The following IKZF1 variants were observed in gnomAD, a reference collection of about 807,000 sequenced individuals.
The protein encoded by IKZF1 is IKAROS family zinc finger 1, also known as DNA-binding protein Ikaros.
In IKZF1, 10 loss-of-function variants were observed where a neutral mutation model predicts 51.7. That is an observed-to-expected ratio of 0.19 (90% CI 0.12 to 0.33). IKZF1 has a LOEUF of 0.33. IKZF1 is among the 10% of genes least tolerant of loss of function. The pLI is 1.00. For missense variants in IKZF1, 484 were observed against 707.5 expected (o/e 0.68, Z 3.58); for synonymous variants, 280 against 282.3 (o/e 0.99, Z 0.08).
At chr7:50,372,946 G>A (rs1044442250) in intron 3 of IKZF1, among the ~76,000 whole-genome samples, 4 of 152,212 alleles carry the variant, frequency 2.6e-5, no homozygotes, top group Non-Finnish European at 4.4e-5. Context: ...GCCCAGGGTG[G>A]GCCTGAGCCA....
chr7:50,390,268 G>A (rs549365447), intron 6 of IKZF1, among the ~76,000 whole-genome samples: 79 of 152,316 alleles, frequency 5.2e-4, no homozygotes, highest in African/African-American at 1.8e-3. Flanking sequence ...GGAGCCCTGG[G>A]CAGGCTGTGG....
chr7:50,336,443 G>A (rs1034808403), intron 3 of IKZF1, among the ~76,000 whole-genome samples: 3 of 152,156 alleles, frequency 2.0e-5, no homozygotes, highest in South Asian at 2.1e-4. Flanking sequence ...CAGGAGGCCC[G>A]CACTCGCTCT....
rs777940854 is a variant in IKZF1 at position 50,403,800 on chromosome 7, G to T, written c.*3173G>T. ...TAGTTTTGTTATATGGTTCCCCACC[G>T]ACCATTTTTGTGCTTTTTTCTTGTT... On this transcript the variant is annotated 3_prime_UTR_variant, in exon 8 of 8. Coordinates refer to ENST00000331340, the MANE Select transcript of IKZF1 (RefSeq NM_006060.6). 5 of 225,942 alleles carry T rather than the reference G, an allele frequency of 2.2e-5. No individual in the cohort carries two copies. Among genetic ancestry groups the T allele is most frequent in the East Asian group, 1.3e-4 (2 of 15,770 alleles). The allele number at this position is 225,942 out of a possible 1,614,324, so 14.0% of individuals were successfully genotyped here. A position where few individuals can be genotyped will look rare whatever the true frequency, so the allele number is the denominator to read the frequency against.
chr7:50,328,813 C>T (rs1394161582), intron 3 of IKZF1: 4 of 152,180 alleles, frequency 2.6e-5, no homozygotes, highest in Admixed American at 6.5e-5. Context: ...GTGGCTCAAG[C>T]TTGTAATCCC....
upstream of IKZF1, among the ~76,000 whole-genome samples, chr7:50,303,771 G>A (rs1196048058): frequency 6.6e-6 from 1 of 151,760 alleles, no homozygotes; most frequent in Non-Finnish European, 1.5e-5. This position sits in a 1 kb window ranked among gnomAD's most constrained non-coding sequence, Gnocchi z 4.7. Flanking sequence ...CCAGCGGGGC[G>A]AGCGTGAGGG....
chr7:50,314,857 C>T (rs1008625879), intron 1 of IKZF1, among the ~76,000 whole-genome samples: 1 of 152,256 alleles, frequency 6.6e-6, no homozygotes, highest in African/African-American at 2.4e-5. Context: ...CACCTGGAAG[C>T]AGCAACTGCC....
intron 3 of IKZF1, among the ~76,000 whole-genome samples, chr7:50,361,490 T>C (rs1805218697): frequency 6.6e-6 from 1 of 152,226 alleles, no homozygotes; most frequent in Admixed American, 6.5e-5. Flanking sequence ...ACCCGGAAGT[T>C]GGCTGACATG....
At position 50,337,864 on chromosome 7, in the gene IKZF1, A is replaced by C. The variant is rs1185927441; in HGVS notation, c.160+10107A>C. 6.6e-5 allele frequency among the ~76,000 whole-genome samples: 10 copies of C among 152,322 alleles called. No individual in the cohort carries two copies. In the East Asian group the frequency reaches 1.9e-3, roughly 29 times the overall value. Reference sequence around the variant, plus strand: ...TGCAGGATATTTAGCCACCCACATCACAAGTGGTACCATGGTGATTGTGAT... The same window carrying C: ...TGCAGGATATTTAGCCACCCACATCCCAAGTGGTACCATGGTGATTGTGAT... On this transcript the variant is annotated intron_variant, in intron 3 of 7. Coordinates refer to ENST00000331340, the MANE Select transcript of IKZF1 (RefSeq NM_006060.6).
intron 3 of IKZF1, among the ~76,000 whole-genome samples, chr7:50,375,916 C>T (rs75612853): frequency 6.6e-6 from 1 of 152,064 alleles, no homozygotes; most frequent in Non-Finnish European, 1.5e-5. Context: ...TGTACCAAAG[C>T]AACACAAAGA....
At chr7:50,337,923 C>A (rs1798162079) in intron 3 of IKZF1, among the ~76,000 whole-genome samples, 1 of 152,168 alleles carries the variant, frequency 6.6e-6, no homozygotes. Flanking sequence ...CAGGTGAGGA[C>A]CCTGCTGGAA....
chr7:50,319,410 G>A lies in IKZF1; in HGVS notation c.40+309G>A, dbSNP rs188766719. On this transcript the variant is annotated intron_variant, in intron 2 of 7. Transcript: ENST00000331340. Reference sequence around the variant, plus strand: ...TGATTGGTTTAAAACCCAAACACATGCCAATGATGGTACTTAAAGAGAGAG... The same window carrying A: ...TGATTGGTTTAAAACCCAAACACATACCAATGATGGTACTTAAAGAGAGAG... Among the ~76,000 whole-genome samples, 47 of 152,244 alleles carry A rather than the reference G, an allele frequency of 3.1e-4. 1 individual carries two copies. Among genetic ancestry groups the A allele is most frequent in the African/African-American group, 1.1e-3 (46 of 41,544 alleles).
Position 50,382,577 on chromosome 7 carries a change from A to G in IKZF1, c.459A>G (p.Ser153=), listed in dbSNP as rs2153477489. Residue 153 remains serine (S), a synonymous_variant, in exon 5 of 8, where the codon TCA becomes TCG. Coordinates refer to ENST00000331340, the MANE Select transcript of IKZF1 (RefSeq NM_006060.6). The part of the protein sequence containing the change: ...RPFQCNQCGA[S]FTQKGNLLRH... Reference sequence around the variant, plus strand: ...TCCAGTGCAATCAGTGCGGGGCCTCATTCACCCAGAAGGGCAACCTGCTCC... The same window carrying G: ...TCCAGTGCAATCAGTGCGGGGCCTCGTTCACCCAGAAGGGCAACCTGCTCC... The G allele has an allele frequency of 6.2e-7, 1 of 1,613,796 alleles. No individual in the cohort carries two copies. The highest frequency in any genetic ancestry group is 1.3e-5 in the African/African-American group (1 of 75,018).
intron 7 of IKZF1, among the ~76,000 whole-genome samples, chr7:50,399,520 G>C (rs1315686172): frequency 6.6e-6 from 1 of 151,880 alleles, no homozygotes; most frequent in Non-Finnish European, 1.5e-5. Context: ...TTAGCCAGTT[G>C]TAAATTACTG....
chr7:50,398,555 C>T (rs1234522795), intron 7 of IKZF1, among the ~76,000 whole-genome samples: 1 of 152,200 alleles, frequency 6.6e-6, no homozygotes, highest in African/African-American at 2.4e-5. Flanking sequence ...TGGCACGCTC[C>T]CCTTGTCTTC....
In IKZF1 at chr7:50,404,096, T is replaced by A. The variant is rs1440467908; in HGVS notation, c.*3469T>A. Reference sequence around the variant, plus strand: ...GAAGCACATAATGCTTTTGGTGCGATGGCACTCACTGTGAACATGTGTAAC... The same window carrying A: ...GAAGCACATAATGCTTTTGGTGCGAAGGCACTCACTGTGAACATGTGTAAC... On this transcript the variant is annotated 3_prime_UTR_variant, in exon 8 of 8. Transcript: ENST00000331340. 4.6e-6 allele frequency: 1 copy of A among 215,080 alleles called. No homozygotes were observed. Among genetic ancestry groups the A allele is most frequent in the Non-Finnish European group, 9.4e-6 (1 of 106,210 alleles). The allele number at this position is 215,080 out of a possible 1,614,324, so 13.3% of individuals were successfully genotyped here. A position where few individuals can be genotyped will look rare whatever the true frequency, so the allele number is the denominator to read the frequency against.
At chr7:50,318,376 T>C in intron 1 of IKZF1, 1 of 227,942 alleles carries the variant, frequency 4.4e-6, no homozygotes, top group Non-Finnish European at 8.7e-6. Flanking sequence ...GGCTGTCTCC[T>C]GGGCTCGTTT....
At chr7:50,321,069 A>G (rs1449495351) in intron 2 of IKZF1, among the ~76,000 whole-genome samples, 1 of 152,326 alleles carries the variant, frequency 6.6e-6, no homozygotes, top group East Asian at 1.9e-4. Flanking sequence ...TTACATACAC[A>G]TACATATTTT....
At chr7:50,381,330 T>C (rs1032874738) in intron 4 of IKZF1, among the ~76,000 whole-genome samples, 12 of 152,254 alleles carry the variant, frequency 7.9e-5, no homozygotes, top group African/African-American at 2.9e-4. Flanking sequence ...CCAGGAAATA[T>C]GTTGTTACAA....
intron 3 of IKZF1, among the ~76,000 whole-genome samples, chr7:50,343,481 G>A (rs372439074): frequency 5.3e-5 from 8 of 152,088 alleles, no homozygotes; most frequent in Non-Finnish European, 1.0e-4. Context: ...ATGGTACAGC[G>A]GGGAGTAACT....
Sources: gnomAD v4.1 joint callset for allele counts (sites outside exome capture counted in the v4.1 genomes callset) on GRCh38, gnomAD v4.1.1 for gene constraint, Gnocchi (gnomAD v3.1) non-coding constraint, MANE v1.5 for transcripts, NCBI Gene and HGNC (gene_info 2026-07-23, HGNC 2026-07-21) for gene names.